The following SGCZ variants were observed in gnomAD, a reference collection of about 807,000 sequenced individuals.
SGCZ encodes the protein sarcoglycan zeta.
SGCZ carries 40 observed loss-of-function variants against 41.3 expected under a neutral mutation model. The observed-to-expected ratio is 0.97, with a 90% CI of 0.75 to 1.26. SGCZ has a LOEUF of 1.26. Ranked by LOEUF, SGCZ falls within the 50% of genes most tolerant of loss-of-function variation. The pLI, the probability that SGCZ is intolerant of heterozygous loss-of-function variation, is 0.00. For missense variants in SGCZ, 552 were observed against 369.8 expected (o/e 1.49, Z -4.04); for synonymous variants, 206 against 137.5 (o/e 1.50, Z -3.49).
At chr8:14,378,717 C>G (rs1403904428) in intron 2 of SGCZ, among the ~76,000 whole-genome samples, 2 of 152,158 alleles carry the variant, frequency 1.3e-5, no homozygotes, top group Admixed American at 6.6e-5. Context: ...TGGGGACTGA[C>G]TGAGCCCTTA....
At chr8:14,903,292 G>T (rs956388955) in intron 1 of SGCZ, among the ~76,000 whole-genome samples, 1 of 151,604 alleles carries the variant, frequency 6.6e-6, no homozygotes, top group Non-Finnish European at 1.5e-5. Flanking sequence ...TCTGAGACTT[G>T]CTCTCATACT....
chr8:14,432,824 G>C (rs1452169426), intron 2 of SGCZ, among the ~76,000 whole-genome samples: 1 of 145,772 alleles, frequency 6.9e-6, no homozygotes, highest in Admixed American at 7.2e-5. Context: ...TGAGGCAGGA[G>C]AATCACTTGA....
chr8:15,218,123 A>G (rs1801477658), intron 1 of SGCZ, among the ~76,000 whole-genome samples: 1 of 152,124 alleles, frequency 6.6e-6, no homozygotes, highest in African/African-American at 2.4e-5. Flanking sequence ...TATTCTATTA[A>G]ATTTTTCTTT....
At chr8:14,956,167 G>A (rs1365455669) in intron 1 of SGCZ, among the ~76,000 whole-genome samples, 2 of 151,200 alleles carry the variant, frequency 1.3e-5, no homozygotes, top group African/African-American at 2.4e-5. Flanking sequence ...AGACTCCCGA[G>A]TATCTGGGAC....
intron 1 of SGCZ, among the ~76,000 whole-genome samples, chr8:14,931,258 T>G (rs2130806006): frequency 6.6e-6 from 1 of 152,186 alleles, no homozygotes; most frequent in South Asian, 2.1e-4. Flanking sequence ...TTTTATTCAC[T>G]TATAGTTTAT....
chr8:14,614,676 T>C (rs1196367136), intron 1 of SGCZ, among the ~76,000 whole-genome samples: 1 of 152,074 alleles, frequency 6.6e-6, no homozygotes, highest in African/African-American at 2.4e-5. Flanking sequence ...TAGAAAATTT[T>C]TTAAAAGAAG....
chr8:14,291,554 T>C (rs529239244), intron 3 of SGCZ, among the ~76,000 whole-genome samples: 43 of 152,190 alleles, frequency 2.8e-4, no homozygotes, highest in African/African-American at 8.7e-4. Flanking sequence ...ATCTTAGCTG[T>C]CTATACTCTT....
chr8:14,933,431 C>CTTTTTTTTTTTTTTTTTTTTT (rs11443740), intron 1 of SGCZ, among the ~76,000 whole-genome samples: 1 of 120,420 alleles, frequency 8.3e-6, no homozygotes, highest in East Asian at 2.4e-4. Context: ...CTTTTTTTTT[C>CTTTTTTTTTTTTTTTTTTTTT]TTTTTTTTTT....
intron 1 of SGCZ, among the ~76,000 whole-genome samples, chr8:15,236,755 C>A (rs1261618787): frequency 2.0e-5 from 3 of 152,166 alleles, no homozygotes; most frequent in Non-Finnish European, 2.9e-5. Context: ...ATGCTCCCTC[C>A]GGGCAGGCCC....
rs59189128 is a variant in SGCZ, at chr8:15,128,964, C to T, written c.39+108621G>A. On this transcript the variant is annotated intron_variant, in intron 1 of 7. Transcript: ENST00000382080. ...CTCCCCAAACTTGGTGAATTCCAGC[C>T]ATGTTTACCTCTCCCTGTAAAAGAA... Among the ~76,000 whole-genome samples, 735 of 152,278 alleles carry T rather than the reference C, an allele frequency of 4.8e-3. 4 individuals carry two copies. Among genetic ancestry groups the T allele is most frequent in the African/African-American group, 0.017 (688 of 41,554 alleles).
chr8:14,983,897 T>A (rs1163975410), intron 1 of SGCZ, among the ~76,000 whole-genome samples: 3 of 152,206 alleles, frequency 2.0e-5, no homozygotes, highest in Non-Finnish European at 2.9e-5. Context: ...CTATATACAA[T>A]TATGTTTTAT....
chr8:14,600,141 G>A (rs1805539409), intron 1 of SGCZ, among the ~76,000 whole-genome samples: 1 of 151,864 alleles, frequency 6.6e-6, no homozygotes, highest in East Asian at 1.9e-4. Context: ...CTTCTTCCAT[G>A]GTTTCTTTAC....
chr8:15,093,723 A>G (rs778113001), intron 1 of SGCZ, among the ~76,000 whole-genome samples: 1 of 152,188 alleles, frequency 6.6e-6, no homozygotes, highest in Non-Finnish European at 1.5e-5. Flanking sequence ...ATTATCCTCA[A>G]GGTTAATTGA....
At position 14,768,761 on chromosome 8, in the gene SGCZ, T is replaced by C. The variant is rs918242134; in HGVS notation, c.40-213835A>G. Among the ~76,000 whole-genome samples, 62 of 151,990 alleles carry C rather than the reference T, an allele frequency of 4.1e-4. 2 individuals carry two copies. The highest frequency in any genetic ancestry group is 4.0e-3 in the Admixed American group (61 of 15,256). On this transcript the variant is annotated intron_variant, in intron 1 of 7. Transcript: ENST00000382080. ...TACAGATGGAGGAAGGGAAGAGGAC[T>C]GCACTCATCATTCAGAAAGCTGTCA...
chr8:15,100,946 A>C (rs1806588735), intron 1 of SGCZ, among the ~76,000 whole-genome samples: 1 of 152,082 alleles, frequency 6.6e-6, no homozygotes, highest in African/African-American at 2.4e-5. Context: ...ACTGCACTGT[A>C]GCCCAGCTGA....
At chr8:14,796,055 T>C (rs1027068236) in intron 1 of SGCZ, among the ~76,000 whole-genome samples, 9 of 152,224 alleles carry the variant, frequency 5.9e-5, no homozygotes, top group African/African-American at 2.2e-4. Flanking sequence ...GTACCACATT[T>C]TCTTTATCCA....
chr8:14,849,357 T>A (rs1803238477), intron 1 of SGCZ, among the ~76,000 whole-genome samples: 1 of 152,016 alleles, frequency 6.6e-6, no homozygotes, highest in African/African-American at 2.4e-5. Flanking sequence ...AATAATTGTA[T>A]CTCAATAAAA....
At chr8:14,801,055 T>C (rs925633416) in intron 1 of SGCZ, among the ~76,000 whole-genome samples, 18 of 152,198 alleles carry the variant, frequency 1.2e-4, no homozygotes, top group South Asian at 2.1e-4. Flanking sequence ...CTGAATTATA[T>C]TGAATGACTG....
intron 2 of SGCZ, among the ~76,000 whole-genome samples, chr8:14,471,945 C>T (rs552705899): frequency 6.6e-6 from 1 of 152,054 alleles, no homozygotes; most frequent in South Asian, 2.1e-4. Flanking sequence ...GAGACATACC[C>T]ACAGTTATAT....
Sources: gnomAD v4.1 joint callset for allele counts (sites outside exome capture counted in the v4.1 genomes callset) on GRCh38, gnomAD v4.1.1 for gene constraint, MANE v1.5 for transcripts, NCBI Gene and HGNC (gene_info 2026-07-23, HGNC 2026-07-21) for gene names.